Variants in WSCD2 observed in about 807,000 individuals in gnomAD.
WSCD2 encodes the protein WSC domain sialate O sulfotransferase 2, also known as sialate:O-sulfotransferase 2.
Under a neutral mutation model 55.7 loss-of-function variants are expected in WSCD2, and 28 were observed. That is an observed-to-expected ratio of 0.50 (90% CI 0.37 to 0.69). WSCD2 has a LOEUF of 0.69. Ranked by LOEUF, WSCD2 falls within the 30% of genes least tolerant of loss-of-function variation. The pLI is 0.00. For synonymous variants in WSCD2, 301 were observed against 301.9 expected (o/e 1.00, Z 0.03); for missense variants, 616 against 762.1 (o/e 0.81, Z 2.26).
chr12:108,222,251 T>C (rs1887613109), intron 4 of WSCD2, among the ~76,000 whole-genome samples: 1 of 152,262 alleles, frequency 6.6e-6, no homozygotes, highest in Non-Finnish European at 1.5e-5. Context: ...ATATGGTTTC[T>C]GCAACTTGCT....
At chr12:108,196,594 A>G (rs1309636370) in intron 2 of WSCD2, among the ~76,000 whole-genome samples, 2 of 152,218 alleles carry the variant, frequency 1.3e-5, no homozygotes, top group Non-Finnish European at 2.9e-5. Context: ...CTTTACATAT[A>G]TAGAAACATC....
chr12:108,214,808 C>T (rs1400258816), intron 4 of WSCD2, among the ~76,000 whole-genome samples: 1 of 152,216 alleles, frequency 6.6e-6, no homozygotes. Flanking sequence ...ATGAAGCTTA[C>T]ACTATCACTG....
intron 1 of WSCD2, among the ~76,000 whole-genome samples, chr12:108,178,667 T>A (rs1027700824): frequency 6.6e-6 from 1 of 152,208 alleles, no homozygotes; most frequent in African/African-American, 2.4e-5. Flanking sequence ...AACACTGGTA[T>A]TATTCTTCCA....
chr12:108,207,645 C>T (rs1265106269), intron 3 of WSCD2, among the ~76,000 whole-genome samples: 1 of 151,082 alleles, frequency 6.6e-6, no homozygotes, highest in Non-Finnish European at 1.5e-5. Flanking sequence ...CCTCGGCTTC[C>T]CAAAGTGCTG....
chr12:108,183,351 A>G (rs1451345891), intron 1 of WSCD2, among the ~76,000 whole-genome samples: 1 of 152,192 alleles, frequency 6.6e-6, no homozygotes, highest in East Asian at 1.9e-4. Flanking sequence ...CATGTGTTAT[A>G]AATGGGTATG....
intron 1 of WSCD2, among the ~76,000 whole-genome samples, chr12:108,186,004 G>A (rs1327056326): frequency 6.6e-6 from 1 of 152,124 alleles, no homozygotes; most frequent in African/African-American, 2.4e-5. Context: ...TGGACTGGGT[G>A]ACCTGCACCT....
chr12:108,140,262 G>A (rs12301129), intron 1 of WSCD2, among the ~76,000 whole-genome samples: 5,334 of 152,256 alleles, frequency 0.035, 311 homozygotes, highest in African/African-American at 0.12. Flanking sequence ...AGGGCTGAGT[G>A]AAGATTCAAT....
chr12:108,158,106 G>C (rs560376191), intron 1 of WSCD2, among the ~76,000 whole-genome samples: 1 of 152,258 alleles, frequency 6.6e-6, no homozygotes, highest in South Asian at 2.1e-4. Flanking sequence ...GAGGCTGTGA[G>C]CCCGGTTGTG....
rs777092762 is a variant in WSCD2, at chr12:108,226,983, TC to T, written c.805-3del. Reference sequence around the variant, plus strand: ...CTCTTCCTCTTCTTCTCCCACTCCATCCCCAGGAGTACCCGCTGGCAGCTCT... The same window carrying T: ...CTCTTCCTCTTCTTCTCCCACTCCATCCCAGGAGTACCCGCTGGCAGCTCT... On this transcript the variant is annotated splice_polypyrimidine_tract_variant and splice_region_variant and intron_variant, in intron 5 of 8. Transcript: ENST00000547525. The T allele has an allele frequency of 8.4e-5, 135 of 1,611,716 alleles. No individual in the cohort carries two copies. The highest frequency in any genetic ancestry group is 1.1e-4 in the Non-Finnish European group (126 of 1,179,062).
intron 4 of WSCD2, among the ~76,000 whole-genome samples, chr12:108,214,778 C>A (rs1008629607): frequency 6.6e-6 from 1 of 152,170 alleles, no homozygotes; most frequent in African/African-American, 2.4e-5. Context: ...TTTTTTCCTT[C>A]CTAGTTTAGT....
At chr12:108,204,407 T>C (rs1183695998) in intron 2 of WSCD2, among the ~76,000 whole-genome samples, 1 of 152,144 alleles carries the variant, frequency 6.6e-6, no homozygotes, top group Non-Finnish European at 1.5e-5. Context: ...TCCCTGTATT[T>C]TTCCCTCTTG....
In WSCD2 at chr12:108,172,928, G is replaced by C. The variant is rs868453661; in HGVS notation, c.-551-22354G>C. 2.4e-4 allele frequency among the ~76,000 whole-genome samples: 37 copies of C among 152,228 alleles called. No homozygotes were observed. The Middle Eastern group carries it at 0.017, about 70-fold the overall frequency. ...CCTAATCTTAAATGGGAAGTGATTA[G>C]GTCATGAATGAGATTAGAGATCTTG... On this transcript the variant is annotated intron_variant, in intron 1 of 8. Transcript: ENST00000547525.
chr12:108,201,396 C>A (rs1261713234), intron 2 of WSCD2, among the ~76,000 whole-genome samples: 3 of 152,082 alleles, frequency 2.0e-5, no homozygotes, highest in Admixed American at 2.0e-4. Flanking sequence ...GGATTGGGAC[C>A]CAGCCTACTC....
intron 3 of WSCD2, among the ~76,000 whole-genome samples, chr12:108,206,848 G>A (rs1231231643): frequency 3.3e-5 from 5 of 152,222 alleles, no homozygotes; most frequent in Admixed American, 1.3e-4. Flanking sequence ...TTGAGAGCAT[G>A]CAAGGTTGTG....
At chr12:108,182,573 A>G (rs1294520135) in intron 1 of WSCD2, among the ~76,000 whole-genome samples, 1 of 152,224 alleles carries the variant, frequency 6.6e-6, no homozygotes, top group Non-Finnish European at 1.5e-5. Flanking sequence ...TTAAAGGAGA[A>G]AAGCAAGCTG....
chr12:108,145,747 G>A (rs1379265910), intron 1 of WSCD2, among the ~76,000 whole-genome samples: 1 of 152,150 alleles, frequency 6.6e-6, no homozygotes, highest in Non-Finnish European at 1.5e-5. Context: ...GAATAGATAA[G>A]TAAAATAAGG....
At chr12:108,177,344 G>A (rs1881021145) in intron 1 of WSCD2, among the ~76,000 whole-genome samples, 1 of 152,146 alleles carries the variant, frequency 6.6e-6, no homozygotes, top group Non-Finnish European at 1.5e-5. Context: ...GAGAGCCCCT[G>A]CTTGTTAGAA....
At position 108,250,504 on chromosome 12, in the gene WSCD2, C is replaced by T. The variant is rs971552543; in HGVS notation, c.*2161C>T. ...AGGTCCTTGTGTATGGAATTGCACC[C>T]GTGTAAAGGAGGAAATGGTCAGTGT... On this transcript the variant is annotated 3_prime_UTR_variant, in exon 9 of 9. Coordinates refer to ENST00000547525, the MANE Select transcript of WSCD2 (RefSeq NM_014653.4). 7.9e-5 allele frequency: 12 copies of T among 152,014 alleles called. No homozygotes were observed. The highest frequency in any genetic ancestry group is 2.2e-4 in the African/African-American group (9 of 41,330). 9.4% of individuals were successfully genotyped at this position (152,014 alleles called of 1,614,324 possible). A position where few individuals can be genotyped will look rare whatever the true frequency, so the allele number is the denominator to read the frequency against.
chr12:108,240,045 T>G (rs1322540715), intron 7 of WSCD2, among the ~76,000 whole-genome samples: 2 of 152,228 alleles, frequency 1.3e-5, no homozygotes, highest in Admixed American at 6.5e-5. Context: ...AATACTGCCC[T>G]TTTGTAACAC....
Sources: gnomAD v4.1 joint callset for allele counts (sites outside exome capture counted in the v4.1 genomes callset) on GRCh38, gnomAD v4.1.1 for gene constraint, MANE v1.5 for transcripts, NCBI Gene and HGNC (gene_info 2026-07-23, HGNC 2026-07-21) for gene names.